Variants in CSPP1 observed in about 807,000 individuals in gnomAD.
The protein encoded by CSPP1 is centrosome and spindle pole-associated protein 1.
In CSPP1, 126 loss-of-function variants were observed where a neutral mutation model predicts 164.4. The ratio of observed to expected loss-of-function variants is 0.77; its 90% CI spans 0.66 to 0.89. The LOEUF is 0.89. Ranked by LOEUF, CSPP1 falls within the 40% of genes least tolerant of loss-of-function variation. The pLI is 0.00. For synonymous variants in CSPP1, 472 were observed against 476.7 expected, an observed-to-expected ratio of 0.99 and a Z score of 0.13; for missense variants, 1,395 against 1,449.8, an observed-to-expected ratio of 0.96 and a Z score of 0.61.
intron 17 of CSPP1, among the ~76,000 whole-genome samples, chr8:67,145,903 A>T (rs1824449374): frequency 6.6e-6 from 1 of 152,082 alleles, no homozygotes; most frequent in African/African-American, 2.4e-5. Context: ...AGTGTGCTAC[A>T]CATTTCCCTC....
intron 5 of CSPP1, 81 bp downstream of exon 5, chr8:67,091,964 TG>T (rs1811702096): frequency 1.1e-5 from 4 of 374,562 alleles, no homozygotes; most frequent in South Asian, 1.0e-4. Flanking sequence ...CTGATTTAAA[TG>T]CAAATGGAAG....
rs765332591 is a variant in CSPP1, at chr8:67,095,492, A to G, written c.683A>G (p.Asn228Ser). 3.7e-6 allele frequency: 6 copies of G among 1,613,626 alleles called. No individual in the cohort carries two copies. The East Asian group carries it at 1.3e-4, about 36-fold the overall frequency. ...RQLDDEIELR[N>S]RRIIKKANEE... ...CTAGATGATGAAATCGAATTAAGGA[A>G]TAGAAGAATTATTAAAAAAGCAAAT... Residue 228 changes from asparagine (N) to serine (S), a missense_variant, in exon 7 of 31, where the codon AAT becomes AGT. Transcript: ENST00000678616.
chr8:67,188,163 C>T (rs898980775), intron 28 of CSPP1, among the ~76,000 whole-genome samples: 1 of 152,158 alleles, frequency 6.6e-6, no homozygotes, highest in Non-Finnish European at 1.5e-5. Context: ...ATCCAAAATA[C>T]ACAAAGAAAT....
chr8:67,088,862 A>G (rs940696446), intron 4 of CSPP1, among the ~76,000 whole-genome samples: 1 of 150,530 alleles, frequency 6.6e-6, no homozygotes, highest in Non-Finnish European at 1.5e-5. Context: ...GCGCCACTGC[A>G]CTCCAGCCTG....
Position 67,064,402 on chromosome 8 carries a change from C to T in CSPP1, c.-147C>T, listed in dbSNP as rs773425466. Reference sequence around the variant, plus strand: ...AGCCCCGGCCCGGAGGTCTGTCATGCTGTTCCCGCTCCAGGTGGCCGCTGT... The same window carrying T: ...AGCCCCGGCCCGGAGGTCTGTCATGTTGTTCCCGCTCCAGGTGGCCGCTGT... On this transcript the variant is annotated 5_prime_UTR_variant, in exon 1 of 31. Coordinates refer to ENST00000678616, the MANE Select transcript of CSPP1 (RefSeq NM_001382391.1). 1.2e-6 allele frequency: 2 copies of T among 1,613,448 alleles called. No individual in the cohort carries two copies. Among genetic ancestry groups the T allele is most frequent in the Non-Finnish European group, 1.7e-6 (2 of 1,179,790 alleles).
rs142736318 is a variant in CSPP1 at position 67,148,757 on chromosome 8, G to C, written c.1976-1026G>C. ...ACTGTTGCAGTTTTTTGGTTTGTTTGTTTTATGGAAAACAGGTACTTTTTA... is the reference window on the plus strand; with the variant it reads ...ACTGTTGCAGTTTTTTGGTTTGTTTCTTTTATGGAAAACAGGTACTTTTTA... On this transcript the variant is annotated intron_variant, in intron 17 of 30. Coordinates refer to ENST00000678616, the MANE Select transcript of CSPP1 (RefSeq NM_001382391.1). Among the ~76,000 whole-genome samples, 117 of 152,216 alleles carry C rather than the reference G, an allele frequency of 7.7e-4. 1 individual carries two copies. The highest frequency in any genetic ancestry group is 2.6e-3 in the African/African-American group (110 of 41,538).
intron 21 of CSPP1, among the ~76,000 whole-genome samples, chr8:67,160,021 C>CTTTTCTTTTCT (rs1470540851): frequency 3.3e-5 from 2 of 61,386 alleles, no homozygotes; most frequent in African/African-American, 9.3e-5. Flanking sequence ...CTTTTCTTTT[C>CTTTTCTTTTCT]TTTTCTTTTC....
chr8:67,130,950 C>T (rs1405516882), intron 15 of CSPP1, among the ~76,000 whole-genome samples: 4 of 151,958 alleles, frequency 2.6e-5, no homozygotes, highest in East Asian at 1.9e-4. Flanking sequence ...ATGGCACCAT[C>T]GCACTTCAGC....
At chr8:67,179,582 AAGGG>A (rs1258918065) in intron 27 of CSPP1, among the ~76,000 whole-genome samples, 5 of 152,204 alleles carry the variant, frequency 3.3e-5, no homozygotes, top group African/African-American at 9.6e-5. Context: ...TTCAACCATA[AAGGG>A]GCAGGAAGGA....
At chr8:67,161,195 CT>C (rs1009736691) in intron 21 of CSPP1, among the ~76,000 whole-genome samples, 2 of 152,154 alleles carry the variant, frequency 1.3e-5, no homozygotes, top group Non-Finnish European at 2.9e-5. Context: ...GCATTTCTGA[CT>C]TTTTTGTGTT....
chr8:67,196,228 C>G lies in CSPP1; in HGVS notation c.*635C>G, dbSNP rs949817550. ...TACTAATTACATGATGTAACTACTTCTTGATATAAATAAATTTTTATTTTA... is the reference window on the plus strand; with the variant it reads ...TACTAATTACATGATGTAACTACTTGTTGATATAAATAAATTTTTATTTTA... On this transcript the variant is annotated 3_prime_UTR_variant, in exon 31 of 31. Coordinates refer to ENST00000678616, the MANE Select transcript of CSPP1 (RefSeq NM_001382391.1). 1 of 152,138 alleles carries G rather than the reference C, an allele frequency of 6.6e-6. No individual in the cohort carries two copies. Among genetic ancestry groups the G allele is most frequent in the Non-Finnish European group, 1.5e-5 (1 of 68,040 alleles). 9.4% of individuals were successfully genotyped at this position (152,138 alleles called of 1,614,324 possible).
In CSPP1 at chr8:67,175,566, G is replaced by A. The variant is rs139214760; in HGVS notation, c.3109+130G>A. 50 of 1,075,424 alleles carry A rather than the reference G, an allele frequency of 4.6e-5. No homozygotes were observed. The East Asian group carries it at 1.1e-3, about 23-fold the overall frequency. The allele number at this position is 1,075,424 out of a possible 1,614,324, so 66.6% of individuals were successfully genotyped here. A position where few individuals can be genotyped will look rare whatever the true frequency, so the allele number is the denominator to read the frequency against. ...TGGCAGCCCCATGCTCACAGGGTCC[G>A]TTTGGTCTGTAGTACCAGAAAAGAA... On this transcript the variant is annotated intron_variant, in intron 26 of 30. Coordinates refer to ENST00000678616, the MANE Select transcript of CSPP1 (RefSeq NM_001382391.1).
chr8:67,089,299 A>C (rs996026716), intron 4 of CSPP1, among the ~76,000 whole-genome samples: 5 of 152,180 alleles, frequency 3.3e-5, no homozygotes, highest in African/African-American at 1.2e-4. Flanking sequence ...CTAAACACAG[A>C]AAAGACATGT....
intron 4 of CSPP1, among the ~76,000 whole-genome samples, chr8:67,088,615 C>T (rs1282781595): frequency 1.5e-4 from 1 of 6,730 alleles, no homozygotes. Flanking sequence ...AGAATATAGT[C>T]GGCCGGGGGC....
At chr8:67,166,486 A>G (rs1269768180) in intron 24 of CSPP1, among the ~76,000 whole-genome samples, 2 of 152,208 alleles carry the variant, frequency 1.3e-5, no homozygotes, top group Non-Finnish European at 2.9e-5. Context: ...TGTATTCTCC[A>G]GGAATATTGA....
intron 17 of CSPP1, among the ~76,000 whole-genome samples, chr8:67,137,829 G>C (rs374766063): frequency 6.6e-6 from 1 of 152,020 alleles, no homozygotes; most frequent in Non-Finnish European, 1.5e-5. Context: ...TTCATCCTCC[G>C]ATGTTGATAA....
At chr8:67,096,386 G>A (rs1812772998) in intron 7 of CSPP1, among the ~76,000 whole-genome samples, 1 of 152,006 alleles carries the variant, frequency 6.6e-6, no homozygotes, top group African/African-American at 2.4e-5. Flanking sequence ...CCAACAGGGT[G>A]AAACCCTGTC....
At position 67,159,961 on chromosome 8, in the gene CSPP1, CTTTTCTT is replaced by C. The variant is rs1170196985; in HGVS notation, c.2538+827_2538+833del. Among the ~76,000 whole-genome samples, 51 of 29,226 alleles carry C rather than the reference CTTTTCTT, an allele frequency of 1.7e-3. 1 individual carries two copies. Among genetic ancestry groups the C allele is most frequent in the Middle Eastern group, 0.014 (1 of 74 alleles). 19.2% of individuals were successfully genotyped at this position (29,226 alleles called of 152,430 possible). A position where few individuals can be genotyped will look rare whatever the true frequency, so the allele number is the denominator to read the frequency against. ...TCCTTCCTTCCTTCCTTCCTTCTTT[CTTTTCTT>C]TTCTTTTCTTTTCTTTTCTTTTCTT... On this transcript the variant is annotated intron_variant, in intron 21 of 30. Coordinates refer to ENST00000678616, the MANE Select transcript of CSPP1 (RefSeq NM_001382391.1).
At chr8:67,192,061 GATTT>G (rs1836416138) in intron 29 of CSPP1, among the ~76,000 whole-genome samples, 1 of 145,802 alleles carries the variant, frequency 6.9e-6, no homozygotes, top group African/African-American at 2.5e-5. Flanking sequence ...ATCCTTTGCT[GATTT>G]GTTTTTTTTT....
Sources: allele counts gnomAD v4.1 joint callset (sites outside exome capture counted in the v4.1 genomes callset), GRCh38; gene constraint gnomAD v4.1.1; transcripts MANE v1.5; gene names NCBI Gene and HGNC (gene_info 2026-07-23, HGNC 2026-07-21).